CAMTA1: variants seen among roughly 807,000 people sequenced by gnomAD.
CAMTA1 encodes the protein calmodulin binding transcription activator 1.
A neutral mutation model predicts 170.9 loss-of-function variants in CAMTA1; 27 were observed. That is an observed-to-expected ratio of 0.16 (90% confidence interval 0.12 to 0.22). CAMTA1 has a LOEUF of 0.22. CAMTA1 is among the 10% of genes least tolerant of loss of function. CAMTA1 has a pLI of 1.00. For missense variants in CAMTA1, 1,619 were observed against 2,217.2 expected (o/e 0.73, Z 5.42); for synonymous variants, 833 against 891.5 (o/e 0.93, Z 1.17).
intron 3 of CAMTA1, among the ~76,000 whole-genome samples, chr1:6,874,839 G>A (rs535987159): frequency 6.6e-6 from 1 of 152,198 alleles, no homozygotes; most frequent in East Asian, 1.9e-4. Flanking sequence ...TCCCTTTTAC[G>A]CTTGGTAAGG....
chr1:7,499,364 CGT>C (rs1208136155), intron 6 of CAMTA1, among the ~76,000 whole-genome samples: 1 of 107,324 alleles, frequency 9.3e-6, no homozygotes, highest in Non-Finnish European at 2.0e-5. Context: ...GCCTGGTGTG[CGT>C]GTGTATGTAT....
intron 1 of CAMTA1, among the ~76,000 whole-genome samples, chr1:6,798,350 G>C (rs1243831832): frequency 1.3e-5 from 2 of 152,176 alleles, no homozygotes; most frequent in Non-Finnish European, 2.9e-5. Context: ...AAAGCCATGT[G>C]CCACTGTAGA....
chr1:7,409,066 A>G lies in CAMTA1; in HGVS notation c.439-58764A>G, dbSNP rs61772185. Among the ~76,000 whole-genome samples, 1,073 of 152,240 alleles carry G rather than the reference A, an allele frequency of 7.0e-3. 6 individuals carry two copies. The highest frequency in any genetic ancestry group is 0.011 in the Non-Finnish European group (780 of 68,020). On this transcript the variant is annotated intron_variant, in intron 5 of 22. Transcript: ENST00000303635. ...AGTACCTGCCTGTGGCCCTCTCTCCAAGGTCGTGACCACGGCAGCCTGAGA... is the reference window on the plus strand; with the variant it reads ...AGTACCTGCCTGTGGCCCTCTCTCCGAGGTCGTGACCACGGCAGCCTGAGA...
At chr1:7,133,930 G>A (rs563275690) in intron 4 of CAMTA1, among the ~76,000 whole-genome samples, 8 of 152,146 alleles carry the variant, frequency 5.3e-5, no homozygotes, top group Non-Finnish European at 1.0e-4. Flanking sequence ...AGATACCGAG[G>A]GTATGTGTGC....
In CAMTA1 at chr1:7,443,962, C is replaced by A. The variant is rs970686099; in HGVS notation, c.439-23868C>A. Among the ~76,000 whole-genome samples the A allele has an allele frequency of 3.9e-4, 59 of 151,600 alleles. No homozygotes were observed. Among genetic ancestry groups the A allele is most frequent in the Admixed American group, 3.9e-3 (59 of 15,242 alleles). ...CTTGTTGGGCTCAGACATTGTGATC[C>A]GTCGGTGAGCCATCGAGCCCCTCCT... is the stretch of plus-strand genomic sequence containing the variant. On this transcript the variant is annotated intron_variant, in intron 5 of 22. Transcript: ENST00000303635. This position sits in a 1 kb window ranked among gnomAD's most constrained non-coding sequence, Gnocchi z 4.1.
intron 11 of CAMTA1, among the ~76,000 whole-genome samples, chr1:7,684,376 C>G (rs908507709): frequency 2.0e-5 from 3 of 152,228 alleles, no homozygotes; most frequent in African/African-American, 7.2e-5. Context: ...GTTCCTGTGA[C>G]TGCCAGACAA....
chr1:7,678,141 G>C (rs996007694), intron 11 of CAMTA1, among the ~76,000 whole-genome samples: 4 of 152,248 alleles, frequency 2.6e-5, no homozygotes, highest in Admixed American at 6.5e-5. Context: ...AAGCAAAAAG[G>C]GTTCCCAGAG....
At chr1:7,327,938 A>C (rs563147052) in intron 5 of CAMTA1, among the ~76,000 whole-genome samples, 2 of 152,030 alleles carry the variant, frequency 1.3e-5, no homozygotes, top group South Asian at 4.2e-4. Flanking sequence ...TCAGGTTGAC[A>C]GTTCTGTTTG....
In CAMTA1 at chr1:7,248,716, G is replaced by A. The variant is rs1015620660; in HGVS notation, c.303-775G>A. 8.5e-5 allele frequency among the ~76,000 whole-genome samples: 13 copies of A among 152,088 alleles called. No homozygotes were observed. Among genetic ancestry groups the A allele is most frequent in the African/African-American group, 3.1e-4 (13 of 41,402 alleles). ...TCAGCCTCTCCTCTCTGTGGTGGAC[G>A]CGTGTTTTCTTTTTGGCAAATTCAA... On this transcript the variant is annotated intron_variant, in intron 4 of 22. Coordinates refer to ENST00000303635, the MANE Select transcript of CAMTA1 (RefSeq NM_015215.4). The surrounding 1 kb of genome is among the most constrained non-coding windows in gnomAD (Gnocchi z 4.0).
At chr1:7,180,794 G>A (rs1457976942) in intron 4 of CAMTA1, among the ~76,000 whole-genome samples, 2 of 152,090 alleles carry the variant, frequency 1.3e-5, no homozygotes, top group Non-Finnish European at 2.9e-5. Flanking sequence ...TTACAGATGT[G>A]AGCCACCACA....
At chr1:7,306,452 A>C (rs1183579001) in intron 5 of CAMTA1, among the ~76,000 whole-genome samples, 1 of 151,882 alleles carries the variant, frequency 6.6e-6, no homozygotes, top group African/African-American at 2.4e-5. Context: ...GTATTTGTGG[A>C]GTTTATTTCT....
chr1:6,978,952 GGATGCATCGT>G (rs1303369060), intron 3 of CAMTA1, among the ~76,000 whole-genome samples: 1 of 152,124 alleles, frequency 6.6e-6, no homozygotes, highest in Admixed American at 6.5e-5. Flanking sequence ...CTTGTGTGGT[GGATGCATCGT>G]GAACAGGCAG....
intron 3 of CAMTA1, among the ~76,000 whole-genome samples, chr1:6,908,350 C>T (rs1183220687): frequency 6.6e-6 from 1 of 152,238 alleles, no homozygotes; most frequent in Non-Finnish European, 1.5e-5. Context: ...TGTTTCTCCA[C>T]CATGCCCTCT....
At chr1:7,281,211 CT>C (rs1671458648) in intron 5 of CAMTA1, among the ~76,000 whole-genome samples, 1 of 152,132 alleles carries the variant, frequency 6.6e-6, no homozygotes, top group Admixed American at 6.5e-5. Flanking sequence ...AGACTTGTAA[CT>C]TTTTTTCTTT....
intron 5 of CAMTA1, among the ~76,000 whole-genome samples, chr1:7,464,818 G>A (rs2093172520): frequency 6.6e-6 from 1 of 152,004 alleles, no homozygotes; most frequent in African/African-American, 2.4e-5. Context: ...CCACCCGAGA[G>A]AAAGGATTAG....
intron 5 of CAMTA1, among the ~76,000 whole-genome samples, chr1:7,345,038 A>AC (rs1388405616): frequency 2.0e-5 from 3 of 151,778 alleles, no homozygotes; most frequent in Non-Finnish European, 4.4e-5. Context: ...GGTGTGAGCC[A>AC]CCGCGCCCAG....
chr1:7,515,749 G>A (rs536363597), intron 6 of CAMTA1, among the ~76,000 whole-genome samples: 18 of 152,186 alleles, frequency 1.2e-4, no homozygotes, highest in Non-Finnish European at 2.5e-4. Flanking sequence ...GCCCTGGACA[G>A]ACCTGGTTTC....
intron 6 of CAMTA1, among the ~76,000 whole-genome samples, chr1:7,593,775 A>G (rs571370411): frequency 4.1e-5 from 6 of 145,848 alleles, no homozygotes; most frequent in African/African-American, 1.5e-4. Context: ...ACAGGCGTGA[A>G]CCACTGTACC....
Position 7,047,721 on chromosome 1 carries a change from CT to C in CAMTA1, c.235-43567del, listed in dbSNP as rs61590402. On this transcript the variant is annotated intron_variant, in intron 3 of 22. Coordinates refer to ENST00000303635, the MANE Select transcript of CAMTA1 (RefSeq NM_015215.4). ...TTTGGCTTTCTCTCTCTCTCTCTCT[CT>C]TTTTTTTTTTTTTTTGGAGGTTACT... is the stretch of plus-strand genomic sequence containing the variant. 7.0e-3 allele frequency among the ~76,000 whole-genome samples: 905 copies of C among 129,414 alleles called. 7 individuals are homozygous for C. The highest frequency in any genetic ancestry group is 0.017 in the African/African-American group (511 of 30,388). 84.9% of individuals were successfully genotyped at this position (129,414 alleles called of 152,430 possible).
Sources: allele counts gnomAD v4.1 joint callset (sites outside exome capture counted in the v4.1 genomes callset), GRCh38; gene constraint gnomAD v4.1.1; non-coding constraint Gnocchi (gnomAD v3.1); transcripts MANE v1.5; gene names NCBI Gene and HGNC (gene_info 2026-07-23, HGNC 2026-07-21).